The following SNTG2 variants were observed in gnomAD, a reference collection of about 807,000 sequenced individuals.
SNTG2 encodes the protein syntrophin gamma 2.
SNTG2 carries 74 observed loss-of-function variants against 70.9 expected under a neutral mutation model. That is an observed-to-expected ratio of 1.04 (90% CI 0.86 to 1.27). SNTG2 has a LOEUF of 1.27. SNTG2 is among the 50% of genes most tolerant of loss of function. The pLI is 0.00. For synonymous variants in SNTG2, 278 were observed against 273.8 expected (o/e 1.02, Z -0.15); for missense variants, 717 against 690.7 (o/e 1.04, Z -0.43).
At chr2:1,338,134 C>T (rs969925906) in intron 16 of SNTG2, among the ~76,000 whole-genome samples, 1 of 152,136 alleles carries the variant, frequency 6.6e-6, no homozygotes, top group East Asian at 1.9e-4. Flanking sequence ...AAATCAGGAA[C>T]CATGAGACTT....
intron 1 of SNTG2, among the ~76,000 whole-genome samples, chr2:993,212 CTA>C (rs1320298579): frequency 1.4e-5 from 2 of 147,750 alleles, no homozygotes; most frequent in African/African-American, 5.0e-5. Flanking sequence ...TCTCCCAATG[CTA>C]TCCCTCCCCC....
chr2:1,076,964 T>A (rs1281188261), intron 1 of SNTG2, among the ~76,000 whole-genome samples: 4 of 152,236 alleles, frequency 2.6e-5, no homozygotes, highest in South Asian at 2.1e-4. Flanking sequence ...TTTACATGTA[T>A]GTACGTACGT....
At chr2:1,283,800 T>C (rs1679656527) in intron 14 of SNTG2, among the ~76,000 whole-genome samples, 1 of 152,144 alleles carries the variant, frequency 6.6e-6, no homozygotes, top group Non-Finnish European at 1.5e-5. Context: ...GAGGCGGCTT[T>C]TCCTGAATTA....
At chr2:1,327,131 T>C (rs555093218) in intron 16 of SNTG2, among the ~76,000 whole-genome samples, 1 of 152,118 alleles carries the variant, frequency 6.6e-6, no homozygotes, top group Non-Finnish European at 1.5e-5. Context: ...TAACTCTTAG[T>C]AGCCTTAATG....
At chr2:1,170,660 C>T (rs4591373) in intron 7 of SNTG2, among the ~76,000 whole-genome samples, 48,305 of 151,988 alleles carry the variant, frequency 0.32, 8,248 homozygotes, top group East Asian at 0.65. Flanking sequence ...GCTGCATTCT[C>T]TTAGCTGAAC....
intron 6 of SNTG2, among the ~76,000 whole-genome samples, chr2:1,156,101 G>C (rs893285210): frequency 1.3e-5 from 2 of 152,176 alleles, no homozygotes; most frequent in Non-Finnish European, 1.5e-5. Flanking sequence ...CTGTGGAAGG[G>C]AACAGAGAAA....
At chr2:1,018,811 G>C (rs181186795) in intron 1 of SNTG2, among the ~76,000 whole-genome samples, 1 of 152,340 alleles carries the variant, frequency 6.6e-6, no homozygotes, top group East Asian at 1.9e-4. Context: ...TGAGCACAAC[G>C]TGCTTTCACT....
At position 1,220,295 on chromosome 2, in the gene SNTG2, G is replaced by A. The variant is rs148121747; in HGVS notation, c.719+11065G>A. On this transcript the variant is annotated intron_variant, in intron 9 of 16. Coordinates refer to ENST00000308624, the MANE Select transcript of SNTG2 (RefSeq NM_018968.4). The stretch of plus-strand genomic sequence containing the variant: ...GCCCTGCACTGGGTGCCGTCAGAGC[G>A]TGGGCTGTGTCAGCAGTGTCTGGCT... Among the ~76,000 whole-genome samples the A allele has an allele frequency of 9.2e-5, 14 of 152,380 alleles. No homozygotes were observed. In the East Asian group the frequency reaches 1.2e-3, roughly 13 times the overall value.
At chr2:1,173,346 G>A (rs900173393) in intron 8 of SNTG2, among the ~76,000 whole-genome samples, 163 bp downstream of exon 8, 1 of 152,178 alleles carries the variant, frequency 6.6e-6, no homozygotes, top group African/African-American at 2.4e-5. Context: ...CTGTTCTGTT[G>A]ACATTTACTC....
intron 14 of SNTG2, among the ~76,000 whole-genome samples, chr2:1,306,646 G>C (rs1013246124): frequency 6.6e-6 from 1 of 151,940 alleles, no homozygotes; most frequent in Non-Finnish European, 1.5e-5. Context: ...CCTGAGACTT[G>C]AGACCTGACT....
intron 16 of SNTG2, among the ~76,000 whole-genome samples, chr2:1,359,363 T>G (rs1484203748): frequency 5.3e-5 from 8 of 152,178 alleles, no homozygotes; most frequent in Admixed American, 5.2e-4. Context: ...AACCTTTATT[T>G]AGGTGTTCTG....
intron 1 of SNTG2, among the ~76,000 whole-genome samples, chr2:1,066,653 C>T (rs1663172004): frequency 6.6e-6 from 1 of 152,046 alleles, no homozygotes; most frequent in Non-Finnish European, 1.5e-5. Context: ...TCACACATCA[C>T]AATCTGATTG....
intron 13 of SNTG2, among the ~76,000 whole-genome samples, chr2:1,260,026 G>C (rs1678336734): frequency 6.6e-6 from 1 of 152,234 alleles, no homozygotes; most frequent in South Asian, 2.1e-4. Flanking sequence ...CCGTGTCCTA[G>C]TATGTGACTC....
chr2:1,318,583 C>T (rs1382408054), intron 16 of SNTG2, among the ~76,000 whole-genome samples: 1 of 152,254 alleles, frequency 6.6e-6, no homozygotes, highest in Non-Finnish European at 1.5e-5. Context: ...AAGGCGCTGA[C>T]CTCTCAGCAG....
At chr2:1,052,908 C>T (rs952830586) in intron 1 of SNTG2, among the ~76,000 whole-genome samples, 4 of 152,228 alleles carry the variant, frequency 2.6e-5, no homozygotes, top group Non-Finnish European at 5.9e-5. Flanking sequence ...CGTAAGCTCA[C>T]AATCTGTTCA....
At position 1,316,341 on chromosome 2, in the gene SNTG2, T is replaced by C; in HGVS notation, c.1454T>C (p.Phe485Ser). Reference sequence around the variant, plus strand: ...GGGAAAACTCGAGTAAAGCTGCTGTTTCAGAATCTGGACACCAAACAGATT... The same window carrying C: ...GGGAAAACTCGAGTAAAGCTGCTGTCTCAGAATCTGGACACCAAACAGATT... ...DDGKTRVKLL[F>S]QNLDTKQIET... The change falls in exon 16 of 17, where the codon TTT becomes TCT. Residue 485 changes from phenylalanine to serine, a missense_variant. Transcript: ENST00000308624. 1.3e-6 allele frequency: 2 copies of C among 1,549,880 alleles called. No individual in the cohort carries two copies. The highest frequency in any genetic ancestry group is 1.7e-6 in the Non-Finnish European group (2 of 1,145,616).
intron 16 of SNTG2, among the ~76,000 whole-genome samples, chr2:1,323,136 C>T (rs1163021349): frequency 6.6e-6 from 1 of 152,196 alleles, no homozygotes; most frequent in Non-Finnish European, 1.5e-5. Flanking sequence ...TGCCTCCTTT[C>T]TTAAGAGTTG....
chr2:956,105 CCCCTG>C (rs1164553770), intron 1 of SNTG2, among the ~76,000 whole-genome samples: 2 of 137,606 alleles, frequency 1.5e-5, no homozygotes, highest in Non-Finnish European at 3.1e-5. Flanking sequence ...CCTGCCCCTA[CCCCTG>C]CCCTGCCCCT....
At chr2:1,024,378 T>G (rs1380463157) in intron 1 of SNTG2, among the ~76,000 whole-genome samples, 2 of 152,230 alleles carry the variant, frequency 1.3e-5, no homozygotes, top group East Asian at 3.8e-4. Flanking sequence ...ACATGAAGAC[T>G]AAGTTTTTTT....
Sources: gnomAD v4.1 joint callset for allele counts (sites outside exome capture counted in the v4.1 genomes callset) on GRCh38, gnomAD v4.1.1 for gene constraint, MANE v1.5 for transcripts, NCBI Gene and HGNC (gene_info 2026-07-23, HGNC 2026-07-21) for gene names.